Variants in MCFD2 observed in about 807,000 individuals in gnomAD.
MCFD2 encodes the protein multiple coagulation factor deficiency 2, ER cargo receptor complex subunit.
In MCFD2, 11 loss-of-function variants were observed where a neutral mutation model predicts 12.8. The ratio of observed to expected loss-of-function variants is 0.86; its 90% CI spans 0.54 to 1.42. The LOEUF (loss-of-function observed/expected upper bound fraction) is 1.42. Among genes scored for constraint, MCFD2 ranks in the 40% most tolerant of loss-of-function variants. MCFD2 has a pLI of 0.00. For missense variants in MCFD2, 191 were observed against 178.6 expected (o/e 1.07, Z -0.40); for synonymous variants, 70 against 68.1 (o/e 1.03, Z -0.14).
At chr2:46,922,416 G>T (rs138852201) in intron 1 of MCFD2, among the ~76,000 whole-genome samples, 10 of 152,234 alleles carry the variant, frequency 6.6e-5, no homozygotes, top group African/African-American at 2.4e-4. Flanking sequence ...GCTTCTATCT[G>T]CCTGCTATAC....
Position 46,907,556 on chromosome 2 carries a change from TTAA to T in MCFD2, c.309+251_309+253del. On this transcript the variant is annotated intron_variant, in intron 3 of 3. Coordinates refer to ENST00000319466, the MANE Select transcript of MCFD2 (RefSeq NM_139279.6). This position sits in a 1 kb window ranked among gnomAD's most constrained non-coding sequence, Gnocchi z 4.1. Reference sequence around the variant, plus strand: ...TGCACTACCAGGCCTGGCTAATTTTTTAATTTTTGTTTTGTTTGTTTTGTAGAG... The same window carrying T: ...TGCACTACCAGGCCTGGCTAATTTTTTTTTTGTTTTGTTTGTTTTGTAGAG... 1 of 476,582 alleles carries T rather than the reference TTAA, an allele frequency of 2.1e-6. No individual in the cohort carries two copies. The highest frequency in any genetic ancestry group is 3.9e-6 in the Non-Finnish European group (1 of 259,442). 29.5% of individuals were successfully genotyped at this position (476,582 alleles called of 1,614,324 possible).
intron 1 of MCFD2, among the ~76,000 whole-genome samples, chr2:46,927,692 G>A (rs1043507874): frequency 5.3e-5 from 8 of 151,854 alleles, no homozygotes; most frequent in Non-Finnish European, 7.4e-5. Flanking sequence ...AGCAACAGAC[G>A]GCTGACTTCT....
Position 46,902,160 on chromosome 2 carries a change from A to G in MCFD2, c.*3303T>C, listed in dbSNP as rs914116335. The G allele has an allele frequency of 1.3e-5, 2 of 152,648 alleles. No individual in the cohort carries two copies. Among genetic ancestry groups the G allele is most frequent in the African/African-American group, 4.8e-5 (2 of 41,462 alleles). The allele number at this position is 152,648 out of a possible 1,614,324, so 9.5% of individuals were successfully genotyped here. A position where few individuals can be genotyped will look rare whatever the true frequency, so the allele number is the denominator to read the frequency against. ...ATCACATCCAATAAACCAAATTACA[A>G]TCTGCTGCTTCTTCTCATTTTCAAA... is the stretch of plus-strand genomic sequence containing the variant. On this transcript the variant is annotated 3_prime_UTR_variant, in exon 4 of 4. Transcript: ENST00000319466.
At chr2:46,936,635 C>T (rs1173596462) in intron 1 of MCFD2, among the ~76,000 whole-genome samples, 1 of 152,140 alleles carries the variant, frequency 6.6e-6, no homozygotes, top group Admixed American at 6.6e-5. Context: ...ACTTCTGCTT[C>T]TTGCATGTAT....
chr2:46,909,242 G>C (rs115468082), intron 1 of MCFD2, 65 bp from the exon 2 acceptor site: 19,878 of 1,534,328 alleles, frequency 0.013, 189 homozygotes, highest in South Asian at 0.026. Context: ...TTCAGGGCTT[G>C]ACATGGTATG....
chr2:46,934,857 G>A (rs990896072), intron 1 of MCFD2, among the ~76,000 whole-genome samples: 22 of 136,300 alleles, frequency 1.6e-4, no homozygotes, highest in African/African-American at 5.9e-4. Flanking sequence ...CTGGAGTGCA[G>A]TGGCATGATC....
Position 46,905,571 on chromosome 2 carries a change from T to C in MCFD2, c.333A>G (p.Leu111=), listed in dbSNP as rs938179506. 1 of 1,613,592 alleles carries C rather than the reference T, an allele frequency of 6.2e-7. No individual in the cohort carries two copies. Among genetic ancestry groups the C allele is most frequent in the Non-Finnish European group, 8.5e-7 (1 of 1,179,660 alleles). ...TGTTAATCAGTTCATCTTCACTCATTAGTGGTGCCTGTTCACTCCCTTCCT... is the reference window on the plus strand; with the variant it reads ...TGTTAATCAGTTCATCTTCACTCATCAGTGGTGCCTGTTCACTCCCTTCCT... ...HKEEGSEQAP[L]MSEDELINII... Residue 111 remains leucine (L), a synonymous_variant, in exon 4 of 4, where the codon CTA becomes CTG. Transcript: ENST00000319466.
chr2:46,937,967 C>T lies in MCFD2; in HGVS notation c.-8+3605G>A, dbSNP rs190092510. Among the ~76,000 whole-genome samples the T allele has an allele frequency of 6.6e-6, 1 of 152,156 alleles. No homozygotes were observed. The highest frequency in any genetic ancestry group is 6.5e-5 in the Admixed American group (1 of 15,274). ...GAGAAGTCTGATGGAGACTTCAGGG[C>T]TAGGTCCTTTACTATCTAGTGGCAG... On this transcript the variant is annotated intron_variant, in intron 1 of 2. Transcript: ENST00000409147. The surrounding 1 kb of genome is among the most constrained non-coding windows in gnomAD (Gnocchi z 4.0).
intron 1 of MCFD2, among the ~76,000 whole-genome samples, chr2:46,914,707 G>A (rs1668632083): frequency 6.6e-6 from 1 of 152,230 alleles, no homozygotes. Flanking sequence ...AGACACCCAT[G>A]GGGTACCACG....
In MCFD2 at chr2:46,907,763, G is replaced by C; in HGVS notation, c.309+47C>G. 6.3e-7 allele frequency: 1 copy of C among 1,598,742 alleles called. No homozygotes were observed. The highest frequency in any genetic ancestry group is 8.6e-7 in the Non-Finnish European group (1 of 1,167,200). ...CAAGACTGGGGACCAAATTAACAAA[G>C]GGAAGCCTTTCTGTGATACAGTCCC... On this transcript the variant is annotated intron_variant, in intron 3 of 3. Coordinates refer to ENST00000319466, the MANE Select transcript of MCFD2 (RefSeq NM_139279.6). The surrounding 1 kb of genome is among the most constrained non-coding windows in gnomAD (Gnocchi z 4.1).
intron 1 of MCFD2, among the ~76,000 whole-genome samples, chr2:46,930,018 G>T (rs184903646): frequency 1.9e-3 from 294 of 152,314 alleles, no homozygotes; most frequent in Non-Finnish European, 3.2e-3. Flanking sequence ...GGAATAGGTG[G>T]CAGGAGTGAG....
intron 1 of MCFD2, 103 bp downstream of exon 1, chr2:46,915,620 C>A: frequency 3.4e-6 from 1 of 291,118 alleles, no homozygotes; most frequent in Non-Finnish European, 5.1e-6. Flanking sequence ...GCCCAGCCCG[C>A]GCCCCCAGAC....
chr2:46,928,421 A>G (rs1669513224), intron 1 of MCFD2, among the ~76,000 whole-genome samples: 1 of 151,070 alleles, frequency 6.6e-6, no homozygotes, highest in Non-Finnish European at 1.5e-5. Flanking sequence ...TGTGAGGCTC[A>G]AAGCCCTCTT....
At chr2:46,923,176 C>T (rs1339728781) in intron 1 of MCFD2, among the ~76,000 whole-genome samples, 3 of 152,200 alleles carry the variant, frequency 2.0e-5, no homozygotes, top group Non-Finnish European at 4.4e-5. Context: ...GGAAGCTCTC[C>T]AAGCCCTGTT....
At chr2:46,927,895 T>G (rs1273459045) in intron 1 of MCFD2, among the ~76,000 whole-genome samples, 1 of 129,898 alleles carries the variant, frequency 7.7e-6, no homozygotes, top group Non-Finnish European at 1.7e-5. Flanking sequence ...TTTTTTTTTT[T>G]TTTTTTTTTT....
In MCFD2 at chr2:46,910,040, T is replaced by C. The variant is rs569036494; in HGVS notation, c.-6-863A>G. On this transcript the variant is annotated intron_variant, in intron 1 of 3. Transcript: ENST00000319466. ...AGGTCTGCGGCAGCGGACAAGGTTC[T>C]GTACCTCCTGGGTGGTAACAGTGGC... Among the ~76,000 whole-genome samples, 7 of 152,294 alleles carry C rather than the reference T, an allele frequency of 4.6e-5. No individual in the cohort carries two copies. In the South Asian group the frequency reaches 1.5e-3, roughly 32 times the overall value.
Position 46,937,730 on chromosome 2 carries a change from G to T in MCFD2, c.-8+3842C>A, listed in dbSNP as rs1670051347. 6.6e-6 allele frequency among the ~76,000 whole-genome samples: 1 copy of T among 152,216 alleles called. No homozygotes were observed. Among genetic ancestry groups the T allele is most frequent in the Non-Finnish European group, 1.5e-5 (1 of 68,032 alleles). On this transcript the variant is annotated intron_variant, in intron 1 of 2. Transcript: ENST00000409147. The surrounding 1 kb of genome is among the most constrained non-coding windows in gnomAD (Gnocchi z 4.0). ...TAGGATTATAGGCACGAGCTGCCAT[G>T]CCTGGCCCAACAGTGATTTCAAAGG... is the stretch of plus-strand genomic sequence containing the variant.
At chr2:46,906,452 A>T (rs576637507) in intron 3 of MCFD2, among the ~76,000 whole-genome samples, 32 of 149,170 alleles carry the variant, frequency 2.1e-4, no homozygotes, top group African/African-American at 7.7e-4. Flanking sequence ...AAGGGGAATG[A>T]CATTAAATGT....
In MCFD2 at chr2:46,905,591, C is replaced by G; in HGVS notation, c.313G>C (p.Gly105Arg). 2 of 1,613,122 alleles carry G rather than the reference C, an allele frequency of 1.2e-6. No homozygotes were observed. The highest frequency in any genetic ancestry group is 1.7e-6 in the Non-Finnish European group (2 of 1,179,518). The change falls in exon 4 of 4, where the codon GGG (glycine) becomes CGG (arginine). Residue 105 changes from glycine (G) to arginine (R), a missense_variant. Coordinates refer to ENST00000319466, the MANE Select transcript of MCFD2 (RefSeq NM_139279.6). ...TAITHVHKEE[G>R]SEQAPLMSED... ...CTCATTAGTGGTGCCTGTTCACTCC[C>G]TTCCTACAAAATACAAATTAGACAA... is the stretch of plus-strand genomic sequence containing the variant.
Sources: gnomAD v4.1 joint callset for allele counts (sites outside exome capture counted in the v4.1 genomes callset) on GRCh38, gnomAD v4.1.1 for gene constraint, Gnocchi (gnomAD v3.1) non-coding constraint, MANE v1.5 for transcripts, NCBI Gene and HGNC (gene_info 2026-07-23, HGNC 2026-07-21) for gene names.